Variants in UGT2B15 observed in about 807,000 individuals in gnomAD.
UGT2B15 encodes the protein UDP glucuronosyltransferase family 2 member B15, also known as UDP-glucuronosyltransferase 2B15.
A neutral mutation model predicts 45.9 loss-of-function variants in UGT2B15; 36 were observed. The observed-to-expected ratio is 0.78, with a 90% CI of 0.60 to 1.04. The LOEUF is 1.04. Ranked by LOEUF, UGT2B15 falls within the 50% of genes least tolerant of loss-of-function variation. The probability of loss-of-function intolerance (pLI) is 0.00; values close to 1 mark genes in which losing one functional copy is unlikely to be tolerated. For missense variants in UGT2B15, 617 were observed against 622.4 expected, an observed-to-expected ratio of 0.99 and a Z score of 0.09; for synonymous variants, 219 against 216.4, an observed-to-expected ratio of 1.01 and a Z score of -0.11.
intron 3 of UGT2B15, among the ~76,000 whole-genome samples, chr4:68,658,894 G>C (rs1426247768): frequency 1.3e-5 from 2 of 151,990 alleles, no homozygotes; most frequent in African/African-American, 4.8e-5. Context: ...GAAGAGGTGG[G>C]TGTGTGAGAT....
chr4:68,666,752 A>ATATTTTTTTTT (rs1553925091), intron 2 of UGT2B15, among the ~76,000 whole-genome samples: 1 of 127,892 alleles, frequency 7.8e-6, no homozygotes, highest in African/African-American at 3.0e-5. Context: ...ATATATATAT[A>ATATTTTTTTTT]TTTTTTTTTT....
chr4:68,652,510 G>A (rs1347513199), intron 5 of UGT2B15, among the ~76,000 whole-genome samples: 2 of 149,986 alleles, frequency 1.3e-5, no homozygotes, highest in Admixed American at 6.6e-5. Flanking sequence ...CTAATTTTTT[G>A]GTAAAGTGTT....
rs1484360974 is a variant in UGT2B15 at position 68,654,065 on chromosome 4, C to A, written c.1285G>T (p.Ala429Ser). 5 of 1,613,516 alleles carry A rather than the reference C, an allele frequency of 3.1e-6. No homozygotes were observed. Reference protein sequence around the residue: ...RTMSSRDLLNALKSVINDPVY... With the variant: ...RTMSSRDLLNSLKSVINDPVY... Reference sequence around the variant, plus strand: ...GGGTCATTAATGACTGACTTCAATGCATTGAGCAAATCTCTACTTGACATG... The same window carrying A: ...GGGTCATTAATGACTGACTTCAATGAATTGAGCAAATCTCTACTTGACATG... The change falls in exon 5 of 6, where the codon GCA becomes TCA. Residue 429 changes from alanine to serine, a missense_variant. By Grantham distance (99) the Ala-to-Ser change is moderately conservative. Around this residue, in one of 3 missense-constraint regions of UGT2B15, gnomAD observed 265 missense variants for 245.1 expected, o/e 1.08. Coordinates refer to ENST00000338206, the MANE Select transcript of UGT2B15 (RefSeq NM_001076.4).
At position 68,647,335 on chromosome 4, in the gene UGT2B15, T is replaced by C; in HGVS notation, c.1362A>G (p.Pro454=). Residue 454 remains proline (P), a synonymous_variant, in exon 6 of 6, where the codon CCA becomes CCG. Coordinates refer to ENST00000338206, the MANE Select transcript of UGT2B15 (RefSeq NM_001076.4). The stretch of plus-strand genomic sequence containing the variant: ...AGACTGCTCGATCCAGGGGCTTCAT[T>C]GGTTGGTCATGATGAATTCTTGATA... ...MKLSRIHHDQ[P]MKPLDRAVFW... 1 of 1,613,800 alleles carries C rather than the reference T, an allele frequency of 6.2e-7. No individual in the cohort carries two copies. The highest frequency in any genetic ancestry group is 8.5e-7 in the Non-Finnish European group (1 of 1,179,748).
At chr4:68,648,757 A>C (rs1732558969) in intron 5 of UGT2B15, among the ~76,000 whole-genome samples, 1 of 152,110 alleles carries the variant, frequency 6.6e-6, no homozygotes, top group Non-Finnish European at 1.5e-5. Flanking sequence ...AGTAAGTATT[A>C]ACCTGATTTC....
chr4:68,663,297 AAT>A (rs1301263089), intron 2 of UGT2B15, among the ~76,000 whole-genome samples, 158 bp from the exon 3 acceptor site: 1 of 151,688 alleles, frequency 6.6e-6, no homozygotes, highest in Non-Finnish European at 1.5e-5. Context: ...GGAGATGTGT[AAT>A]ATAATATATG....
At chr4:68,666,321 T>C (rs1004993388) in intron 2 of UGT2B15, among the ~76,000 whole-genome samples, 5 of 152,180 alleles carry the variant, frequency 3.3e-5, no homozygotes, top group African/African-American at 1.2e-4. Flanking sequence ...AATCTTGATG[T>C]GTTGGAAAAT....
rs151025836 is a variant in UGT2B15, at chr4:68,650,455, G to A, written c.1314-3072C>T. Among the ~76,000 whole-genome samples the A allele has an allele frequency of 5.9e-3, 890 of 152,056 alleles. 12 individuals carry two copies. Among genetic ancestry groups the A allele is most frequent in the African/African-American group, 0.02 (824 of 41,506 alleles). On this transcript the variant is annotated intron_variant, in intron 5 of 5. Coordinates refer to ENST00000338206, the MANE Select transcript of UGT2B15 (RefSeq NM_001076.4). ...CGGATAATGGCTTTGCATTTCATCC[G>A]TGTCCCTGCAACAGACATGATCTCA...
At chr4:68,661,078 T>A (rs537298086) in intron 3 of UGT2B15, among the ~76,000 whole-genome samples, 7 of 152,150 alleles carry the variant, frequency 4.6e-5, no homozygotes, top group South Asian at 2.1e-4. Flanking sequence ...GGAATAAACC[T>A]TCCTTGCCAT....
In UGT2B15 at chr4:68,670,266, CA is replaced by C. The variant is rs753106370; in HGVS notation, c.352del (p.Trp118GlyfsTer16). On this transcript the variant is annotated frameshift_variant, in exon 1 of 6. Transcript: ENST00000338206. LOFTEE classifies it high-confidence loss of function. ...SYFSQLQELC[W>X]EYYDYSNKLC... is the part of the protein sequence containing the mutation. ...CTTGTTACTGTAGTCATAATATTCCCAACACAATTCTTGTAATTGTGAAAAA... is the reference window on the plus strand; with the variant it reads ...CTTGTTACTGTAGTCATAATATTCCCACACAATTCTTGTAATTGTGAAAAA... 3.7e-5 allele frequency: 60 copies of C among 1,613,862 alleles called. No individual in the cohort carries two copies. Among genetic ancestry groups the C allele is most frequent in the Non-Finnish European group, 4.9e-5 (58 of 1,179,986 alleles).
At chr4:68,648,691 C>G (rs1270174403) in intron 5 of UGT2B15, among the ~76,000 whole-genome samples, 1 of 152,088 alleles carries the variant, frequency 6.6e-6, no homozygotes, top group African/African-American at 2.4e-5. Flanking sequence ...TTATCACAAA[C>G]TGCATAGAAG....
intron 5 of UGT2B15, 25 bp from the exon 6 acceptor site, chr4:68,647,408 A>G: frequency 1.3e-6 from 2 of 1,592,288 alleles, no homozygotes; most frequent in Non-Finnish European, 1.7e-6. Context: ...TAAAGATATC[A>G]ACATTAAAAG....
chr4:68,652,327 G>A (rs1732679505), intron 5 of UGT2B15, among the ~76,000 whole-genome samples: 1 of 151,994 alleles, frequency 6.6e-6, no homozygotes, highest in African/African-American at 2.4e-5. Flanking sequence ...TCTGCAAACA[G>A]AGACAATTTA....
chr4:68,652,902 C>A (rs1732698420), intron 5 of UGT2B15, among the ~76,000 whole-genome samples: 1 of 151,726 alleles, frequency 6.6e-6, no homozygotes, highest in South Asian at 2.1e-4. Context: ...GACCAGTAAG[C>A]ACATGAAAAG....
chr4:68,665,979 G>T (rs532746208), intron 2 of UGT2B15, among the ~76,000 whole-genome samples: 2 of 152,170 alleles, frequency 1.3e-5, no homozygotes, highest in Admixed American at 6.6e-5. Context: ...TTGAACCTGG[G>T]GGGTGGAGGT....
At chr4:68,647,435 G>A in intron 5 of UGT2B15, 52 bp from the exon 6 acceptor site, 1 of 1,556,232 alleles carries the variant, frequency 6.4e-7, no homozygotes, top group Non-Finnish European at 8.7e-7. Flanking sequence ...TATTGCTTAA[G>A]CATATCAAGT....
chr4:68,669,554 C>T (rs536152442), intron 1 of UGT2B15, among the ~76,000 whole-genome samples: 18 of 152,184 alleles, frequency 1.2e-4, no homozygotes, highest in African/African-American at 4.3e-4. Context: ...ATTTATGTGT[C>T]TGCCTTCATG....
At chr4:68,648,159 A>C (rs1732537035) in intron 5 of UGT2B15, among the ~76,000 whole-genome samples, 1 of 152,124 alleles carries the variant, frequency 6.6e-6, no homozygotes, top group African/African-American at 2.4e-5. Context: ...AATTAATATC[A>C]AATTATGACA....
intron 5 of UGT2B15, among the ~76,000 whole-genome samples, chr4:68,653,642 T>G (rs1335775985): frequency 1.5e-4 from 23 of 152,082 alleles, no homozygotes; most frequent in African/African-American, 5.5e-4. Flanking sequence ...TTATCACATT[T>G]CTTAAAATAA....
Sources: gnomAD v4.1 joint callset for allele counts (sites outside exome capture counted in the v4.1 genomes callset) on GRCh38, gnomAD v4.1.1 for gene constraint, gnomAD v4.1.1 regional missense constraint, MANE v1.5 for transcripts, NCBI Gene and HGNC (gene_info 2026-07-23, HGNC 2026-07-21) for gene names.